The following PALM2AKAP2 variants were observed in gnomAD, a reference collection of about 807,000 sequenced individuals.
PALM2AKAP2 encodes the protein PALM2-AKAP2 fusion protein.
In PALM2AKAP2, 37 loss-of-function variants were observed where a neutral mutation model predicts 71.5. That is an observed-to-expected ratio of 0.52 (90% CI 0.40 to 0.68). PALM2AKAP2 has a LOEUF of 0.68. PALM2AKAP2 is among the 30% of genes least tolerant of loss of function. The probability of loss-of-function intolerance (pLI) is 0.00; values close to 1 mark genes in which losing one functional copy is unlikely to be tolerated. For missense variants in PALM2AKAP2, 1,224 were observed against 1,191.8 expected, an observed-to-expected ratio of 1.03 and a Z score of -0.40; for synonymous variants, 468 against 478.8, an observed-to-expected ratio of 0.98 and a Z score of 0.29.
intron 1 of PALM2AKAP2, among the ~76,000 whole-genome samples, chr9:109,649,522 C>T (rs1350293892): frequency 6.6e-6 from 1 of 152,042 alleles, no homozygotes; most frequent in African/African-American, 2.4e-5. Context: ...TTCATGTATC[C>T]AATTTTTTTG....
chr9:109,740,480 T>C (rs1052393466), intron 1 of PALM2AKAP2, among the ~76,000 whole-genome samples: 1 of 152,090 alleles, frequency 6.6e-6, no homozygotes, highest in Non-Finnish European at 1.5e-5. Context: ...GGGTAACAAT[T>C]TCCAGACAGA....
chr9:109,769,538 G>A (rs1439019639), intron 1 of PALM2AKAP2, among the ~76,000 whole-genome samples: 1 of 152,186 alleles, frequency 6.6e-6, no homozygotes, highest in African/African-American at 2.4e-5. Context: ...GAGTCCAATA[G>A]TTTTGGACTA....
chr9:109,963,428 AT>A (rs1208358391), intron 6 of PALM2AKAP2, among the ~76,000 whole-genome samples: 3 of 152,208 alleles, frequency 2.0e-5, no homozygotes. Flanking sequence ...TAACCAGCCC[AT>A]CCTACATTTC....
At chr9:109,959,806 A>C (rs1831820998) in intron 6 of PALM2AKAP2, among the ~76,000 whole-genome samples, 1 of 151,990 alleles carries the variant, frequency 6.6e-6, no homozygotes, top group Admixed American at 6.6e-5. Context: ...ACCAGGAGAA[A>C]ATTTCCCTCA....
At chr9:110,022,232 C>G (rs1310396575) in intron 7 of PALM2AKAP2, among the ~76,000 whole-genome samples, 1 of 152,172 alleles carries the variant, frequency 6.6e-6, no homozygotes, top group African/African-American at 2.4e-5. Context: ...CTGTAGCTTT[C>G]TTTTTAAAAA....
intron 2 of PALM2AKAP2, among the ~76,000 whole-genome samples, chr9:110,141,805 C>A (rs1429384387): frequency 6.6e-6 from 1 of 152,170 alleles, no homozygotes; most frequent in Admixed American, 6.5e-5. Flanking sequence ...TGGTGGCATG[C>A]TGGAATCCTA....
intron 1 of PALM2AKAP2, among the ~76,000 whole-genome samples, chr9:110,128,309 C>T (rs935657714): frequency 2.0e-5 from 3 of 152,190 alleles, no homozygotes; most frequent in African/African-American, 7.2e-5. Flanking sequence ...ACACATAGCT[C>T]GTGGAACCAG....
At chr9:109,780,355 G>A (rs1587905936), upstream of PALM2AKAP2, 9 of 1,565,618 alleles carry the variant, frequency 5.7e-6, no homozygotes, top group Non-Finnish European at 7.8e-6. Context: ...CGCCCCTGGA[G>A]CGGATCCCCA....
chr9:109,643,858 G>T (rs1827109720), intron 1 of PALM2AKAP2, among the ~76,000 whole-genome samples: 2 of 152,202 alleles, frequency 1.3e-5, no homozygotes, highest in Admixed American at 6.5e-5. Flanking sequence ...ATTGGCTGAT[G>T]ATTCTGCAGG....
At chr9:109,998,944 A>T (rs1832628375) in intron 6 of PALM2AKAP2, among the ~76,000 whole-genome samples, 1 of 151,992 alleles carries the variant, frequency 6.6e-6, no homozygotes, top group African/African-American at 2.4e-5. Flanking sequence ...TTCCACTTCA[A>T]TTTGGGAAAT....
At chr9:109,793,435 C>G (rs1489191646) in intron 1 of PALM2AKAP2, among the ~76,000 whole-genome samples, 1 of 152,202 alleles carries the variant, frequency 6.6e-6, no homozygotes, top group Non-Finnish European at 1.5e-5. Flanking sequence ...CAGGACAGTG[C>G]CCTGTGGTGG....
intron 1 of PALM2AKAP2, among the ~76,000 whole-genome samples, chr9:109,786,123 C>T (rs767885218): frequency 6.6e-5 from 10 of 152,232 alleles, no homozygotes; most frequent in East Asian, 5.8e-4. Context: ...TCGTTGGATT[C>T]GCCTCTCCAT....
At chr9:109,736,288 T>C (rs1828634526) in intron 1 of PALM2AKAP2, among the ~76,000 whole-genome samples, 1 of 138,516 alleles carries the variant, frequency 7.2e-6, no homozygotes, top group Non-Finnish European at 1.7e-5. Context: ...ACTATAAAAG[T>C]TTTCTGTAGC....
intron 1 of PALM2AKAP2, among the ~76,000 whole-genome samples, chr9:109,699,682 T>C (rs1370520558): frequency 6.6e-6 from 1 of 152,190 alleles, no homozygotes; most frequent in Non-Finnish European, 1.5e-5. Flanking sequence ...TTAAGATTGA[T>C]TATTCAGAGG....
At chr9:109,800,374 C>T (rs1312710858) in intron 1 of PALM2AKAP2, among the ~76,000 whole-genome samples, 3 of 152,186 alleles carry the variant, frequency 2.0e-5, no homozygotes, top group Non-Finnish European at 2.9e-5. Flanking sequence ...GAATTCTTAT[C>T]ACTGTTTTAA....
At chr9:110,096,986 G>T (rs1343022621) in intron 1 of PALM2AKAP2, among the ~76,000 whole-genome samples, 3 of 147,054 alleles carry the variant, frequency 2.0e-5, no homozygotes, top group South Asian at 2.2e-4. Flanking sequence ...ATCATTCTTG[G>T]GTGTTTCTCG....
At chr9:109,690,907 T>G (rs1827873512) in intron 1 of PALM2AKAP2, among the ~76,000 whole-genome samples, 1 of 152,164 alleles carries the variant, frequency 6.6e-6, no homozygotes, top group African/African-American at 2.4e-5. Flanking sequence ...CTTCAGCATA[T>G]GCACACTGGC....
intron 3 of PALM2AKAP2, among the ~76,000 whole-genome samples, chr9:110,158,275 T>C (rs763286331): frequency 5.9e-5 from 9 of 152,250 alleles, no homozygotes; most frequent in Non-Finnish European, 8.8e-5. Context: ...GTCTGGTTTC[T>C]TTTCTCCCAG....
At chr9:109,960,104 T>A (rs190847389) in intron 6 of PALM2AKAP2, among the ~76,000 whole-genome samples, 2 of 152,296 alleles carry the variant, frequency 1.3e-5, no homozygotes, top group East Asian at 3.9e-4. Flanking sequence ...TCTTTTTAAT[T>A]AAGGATCCCA....
Sources: gnomAD v4.1 joint callset for allele counts (sites outside exome capture counted in the v4.1 genomes callset) on GRCh38, gnomAD v4.1.1 for gene constraint, MANE v1.5 for transcripts, NCBI Gene and HGNC (gene_info 2026-07-23, HGNC 2026-07-21) for gene names.